PIK3CD: variants seen among roughly 807,000 people sequenced by gnomAD.
The protein encoded by PIK3CD is phosphatidylinositol 4,5-bisphosphate 3-kinase catalytic subunit delta isoform.
PIK3CD carries 20 observed loss-of-function variants against 122.9 expected under a neutral mutation model. That is an observed-to-expected ratio of 0.16 (90% CI 0.11 to 0.24). The LOEUF (loss-of-function observed/expected upper bound fraction) is 0.24, where lower values mean the gene tolerates loss of function less well. Among genes scored for constraint, PIK3CD ranks in the 10% least tolerant of loss-of-function variants. The pLI is 1.00. For missense variants in PIK3CD, 787 were observed against 1,406.3 expected, an observed-to-expected ratio of 0.56 and a Z score of 7.04; for synonymous variants, 596 against 593.4, an observed-to-expected ratio of 1.00 and a Z score of -0.06.
At chr1:9,691,287 G>A (rs751649264) in intron 1 of PIK3CD, among the ~76,000 whole-genome samples, 180 bp from the exon 2 acceptor site, 4 of 152,202 alleles carry the variant, frequency 2.6e-5, no homozygotes, top group Non-Finnish European at 5.9e-5. Flanking sequence ...AGCTGGGGGT[G>A]GCATTGACGC....
chr1:9,714,415 G>A (rs1227261737), intron 3 of PIK3CD, among the ~76,000 whole-genome samples: 1 of 152,156 alleles, frequency 6.6e-6, no homozygotes, highest in Non-Finnish European at 1.5e-5. Flanking sequence ...GGCTTTTTGG[G>A]GTTAACCAGG....
At chr1:9,687,715 G>T (rs756000565) in intron 1 of PIK3CD, among the ~76,000 whole-genome samples, 5 of 152,212 alleles carry the variant, frequency 3.3e-5, no homozygotes, top group Non-Finnish European at 7.3e-5. Context: ...GCGAGAGCGC[G>T]TGTATGAGCA....
rs146796121 is a variant in PIK3CD, at chr1:9,717,034, C to T, written c.856C>T (p.Arg286Trp). The stretch of plus-strand genomic sequence containing the variant: ...CCATTCCTCCTCCATCCTCGCCATG[C>T]GGGATGAGCAGAGCAACCCTGCCCC... ...MVHSSSILAM[R>W]DEQSNPAPQV... The change falls in exon 7 of 24, where the codon CGG becomes TGG. Residue 286 changes from arginine (R) to tryptophan (W), a missense_variant. By Grantham distance (101) the Arg-to-Trp change is moderately radical (BLOSUM62 -3). Coordinates refer to ENST00000377346, the MANE Select transcript of PIK3CD (RefSeq NM_005026.5). The surrounding 1 kb of genome is among the most constrained non-coding windows in gnomAD (Gnocchi z 5.4). 20 of 1,613,682 alleles carry T rather than the reference C, an allele frequency of 1.2e-5. No homozygotes were observed. Among genetic ancestry groups the T allele is most frequent in the Admixed American group, 3.3e-5 (2 of 60,000 alleles).
At position 9,727,372 on chromosome 1, in the gene PIK3CD, C is replaced by T. The variant is rs1435786589; in HGVS notation, c.*326C>T. 4.5e-6 allele frequency: 2 copies of T among 446,012 alleles called. No individual in the cohort carries two copies. The highest frequency in any genetic ancestry group is 3.9e-5 in the African/African-American group (2 of 50,714). The allele number at this position is 446,012 out of a possible 1,614,324, so 27.6% of individuals were successfully genotyped here. On this transcript the variant is annotated 3_prime_UTR_variant, in exon 24 of 24. Transcript: ENST00000377346. Reference sequence around the variant, plus strand: ...ACTGTTCTCCTCCCGAGGGAACCTTCTTCCCAGGCCTCCCGCCAGACTGCC... The same window carrying T: ...ACTGTTCTCCTCCCGAGGGAACCTTTTTCCCAGGCCTCCCGCCAGACTGCC...
chr1:9,680,729 GTA>G (rs1645715258), intron 1 of PIK3CD: 1 of 152,248 alleles, frequency 6.6e-6, no homozygotes. Context: ...TCCATCACAG[GTA>G]TTGATGGAGC....
intron 1 of PIK3CD, chr1:9,654,671 A>G (rs1269888113): frequency 5.6e-6 from 2 of 356,580 alleles, no homozygotes; most frequent in Admixed American, 7.7e-5. Context: ...TTGTGTAGAG[A>G]GCAGTTCCCG....
intron 1 of PIK3CD, among the ~76,000 whole-genome samples, chr1:9,655,302 G>A (rs986061584): frequency 2.0e-5 from 3 of 152,064 alleles, no homozygotes; most frequent in African/African-American, 7.2e-5. Context: ...CATAAATAGC[G>A]AAGGTGGCAA....
At chr1:9,676,482 TG>T (rs1645543370) in intron 1 of PIK3CD, among the ~76,000 whole-genome samples, 1 of 152,234 alleles carries the variant, frequency 6.6e-6, no homozygotes. Context: ...CCAGTTGGCC[TG>T]GGGTGGTGCC....
chr1:9,643,603 G>T, the PIK3CD span, among the ~76,000 whole-genome samples: 1 of 152,100 alleles, frequency 6.6e-6, no homozygotes, highest in Non-Finnish European at 1.5e-5. Context: ...AACTAAGATA[G>T]CTCAAAAACT....
chr1:9,689,275 G>A lies in PIK3CD; in HGVS notation c.-137-2192G>A, dbSNP rs989338488. Among the ~76,000 whole-genome samples, 5 of 152,194 alleles carry A rather than the reference G, an allele frequency of 3.3e-5. No homozygotes were observed. The highest frequency in any genetic ancestry group is 5.9e-5 in the Non-Finnish European group (4 of 68,022). ...GTCGGGGTCCCGCGGCTGCTCTGGG[G>A]CTCAGGGTGCGAACCCCAAGGGCCC... On this transcript the variant is annotated intron_variant, in intron 1 of 23. Transcript: ENST00000377346. The surrounding 1 kb of genome is among the most constrained non-coding windows in gnomAD (Gnocchi z 6.1).
At chr1:9,631,624 CCAGCCTGGGTGA>C in the PIK3CD span, among the ~76,000 whole-genome samples, 11 of 152,350 alleles carry the variant, frequency 7.2e-5, no homozygotes, top group African/African-American at 2.4e-4. Context: ...CCACTGCACT[CCAGCCTGGGTGA>C]CAGCCTGGGT....
chr1:9,670,590 G>T (rs1645291886), intron 1 of PIK3CD, among the ~76,000 whole-genome samples: 2 of 152,130 alleles, frequency 1.3e-5, no homozygotes, highest in African/African-American at 4.8e-5. Context: ...TGAGAATTAG[G>T]ATGATAGTAC....
intron 1 of PIK3CD, among the ~76,000 whole-genome samples, chr1:9,661,792 C>G (rs565934550): frequency 6.6e-6 from 1 of 152,124 alleles, no homozygotes; most frequent in Non-Finnish European, 1.5e-5. Flanking sequence ...GTTAAGAGAT[C>G]GAGACCATCC....
intron 2 of PIK3CD, among the ~76,000 whole-genome samples, chr1:9,696,711 A>T (rs553134680): frequency 6.6e-6 from 1 of 151,232 alleles, no homozygotes; most frequent in East Asian, 1.9e-4. Context: ...CTCAGCCTGG[A>T]TGAGACCCTG....
upstream of PIK3CD, among the ~76,000 whole-genome samples, chr1:9,648,514 C>A (rs1431245128): frequency 6.6e-6 from 1 of 152,210 alleles, no homozygotes; most frequent in African/African-American, 2.4e-5. Context: ...TTAGGACGGG[C>A]CGCTCCCTCA....
intron 1 of PIK3CD, among the ~76,000 whole-genome samples, chr1:9,685,236 G>C (rs1204904851): frequency 2.0e-5 from 3 of 152,092 alleles, no homozygotes; most frequent in Admixed American, 2.0e-4. Flanking sequence ...ACTCCTTTGA[G>C]GATTTTTTTG....
intron 1 of PIK3CD, among the ~76,000 whole-genome samples, chr1:9,686,604 C>CG (rs929610691): frequency 6.6e-6 from 1 of 151,960 alleles, no homozygotes; most frequent in African/African-American, 2.4e-5. Flanking sequence ...TCCTCCTGCC[C>CG]TGGCCTCCCA....
At chr1:9,695,085 G>T (rs1646353109) in intron 2 of PIK3CD, among the ~76,000 whole-genome samples, 1 of 152,212 alleles carries the variant, frequency 6.6e-6, no homozygotes, top group South Asian at 2.1e-4. Flanking sequence ...GGAAAAAAAG[G>T]CACATTCATA....
At chr1:9,687,260 T>C (rs549750871) in intron 1 of PIK3CD, 1 of 151,518 alleles carries the variant, frequency 6.6e-6, no homozygotes, top group East Asian at 1.9e-4. Flanking sequence ...GGAATGGGGG[T>C]GGAGGAACCG....
Sources: allele counts gnomAD v4.1 joint callset (sites outside exome capture counted in the v4.1 genomes callset), GRCh38; gene constraint gnomAD v4.1.1; non-coding constraint Gnocchi (gnomAD v3.1); transcripts MANE v1.5; gene names NCBI Gene and HGNC (gene_info 2026-07-23, HGNC 2026-07-21).